GLI2: variants seen among roughly 807,000 people sequenced by gnomAD.
GLI2 encodes the protein GLI family zinc finger 2, also known as transcription activator GLI2.
Under a neutral mutation model 78.9 loss-of-function variants are expected in GLI2, and 22 were observed. The observed-to-expected ratio is 0.28, with a 90% CI of 0.20 to 0.40. GLI2 has a LOEUF of 0.40. GLI2 is among the 10% of genes least tolerant of loss of function. GLI2 has a pLI of 1.00. For synonymous variants in GLI2, 974 were observed against 963.7 expected, an observed-to-expected ratio of 1.01 and a Z score of -0.20; for missense variants, 2,097 against 2,213.2, an observed-to-expected ratio of 0.95 and a Z score of 1.05.
chr2:120,749,527 G>A (rs1156750489), intron 1 of GLI2, among the ~76,000 whole-genome samples: 3 of 152,250 alleles, frequency 2.0e-5, no homozygotes, highest in African/African-American at 7.2e-5. Flanking sequence ...GATAAGCAGA[G>A]TTCCAGGCTG....
At chr2:120,777,312 G>A (rs1446302367) in intron 1 of GLI2, among the ~76,000 whole-genome samples, 1 of 152,084 alleles carries the variant, frequency 6.6e-6, no homozygotes, top group Non-Finnish European at 1.5e-5. Flanking sequence ...AAGGAGATGT[G>A]TGAGAAGCCG....
At chr2:120,828,232 G>GC (rs1686183157) in intron 2 of GLI2, among the ~76,000 whole-genome samples, 1 of 152,162 alleles carries the variant, frequency 6.6e-6, no homozygotes, top group African/African-American at 2.4e-5. Flanking sequence ...CTGGGCCAAG[G>GC]CCCCCGGGCC....
intron 2 of GLI2, among the ~76,000 whole-genome samples, chr2:120,918,438 C>CT (rs563960856): frequency 0.018 from 2,315 of 127,026 alleles, 26 homozygotes; most frequent in East Asian, 0.028. Flanking sequence ...CATAAATATT[C>CT]TTTTTTTTTT....
rs1335135332 is a variant in GLI2 at position 120,834,889 on chromosome 2, A to AGGT, written c.148+37421_148+37422insGGT. 1.4e-4 allele frequency among the ~76,000 whole-genome samples: 21 copies of AGGT among 152,152 alleles called. No individual in the cohort carries two copies. In the East Asian group the frequency reaches 3.1e-3, roughly 23 times the overall value. On this transcript the variant is annotated intron_variant, in intron 2 of 13. Coordinates refer to ENST00000361492, the MANE Select transcript of GLI2 (RefSeq NM_001374353.1). Reference sequence around the variant, plus strand: ...GTAAGGACCTTCTGGTGCACTCCTCATGTGGCATTTCAGGGGCTCTGCACC... The same window carrying AGGT: ...GTAAGGACCTTCTGGTGCACTCCTCAGGTTGTGGCATTTCAGGGGCTCTGCACC...
intron 2 of GLI2, among the ~76,000 whole-genome samples, chr2:120,871,731 T>C (rs2104677880): frequency 6.6e-6 from 1 of 152,376 alleles, no homozygotes; most frequent in African/African-American, 2.4e-5. Context: ...GCTTTCTCCC[T>C]GGGGTAGCAG....
At chr2:120,805,177 C>T (rs1417392722) in intron 2 of GLI2, among the ~76,000 whole-genome samples, 1 of 152,260 alleles carries the variant, frequency 6.6e-6, no homozygotes, top group Non-Finnish European at 1.5e-5. Context: ...ATCAGCCTGG[C>T]CGCCCCATTT....
chr2:120,805,450 C>T (rs1051033537), intron 2 of GLI2, among the ~76,000 whole-genome samples: 3 of 152,372 alleles, frequency 2.0e-5, no homozygotes, highest in Admixed American at 6.5e-5. Context: ...GCCTGGCCGG[C>T]ACTCCTTCAT....
chr2:120,748,853 C>CTCCATCCA lies in GLI2; in HGVS notation c.-31+12600_-31+12607dup, dbSNP rs71671803. Among the ~76,000 whole-genome samples the CTCCATCCA allele has an allele frequency of 2.5e-3, 373 of 150,606 alleles. 1 individual carries two copies. Among genetic ancestry groups the CTCCATCCA allele is most frequent in the East Asian group, 0.015 (75 of 5,078 alleles). The stretch of plus-strand genomic sequence containing the variant: ...ATTAAGATTATAGTGATCTTGCATT[C>CTCCATCCA]TCCATCCATCCATCCATCCATCCAT... On this transcript the variant is annotated intron_variant, in intron 1 of 13. Coordinates refer to ENST00000361492, the MANE Select transcript of GLI2 (RefSeq NM_001374353.1).
intron 5 of GLI2, among the ~76,000 whole-genome samples, chr2:120,962,086 G>T (rs1249038919): frequency 6.6e-6 from 1 of 152,136 alleles, no homozygotes; most frequent in African/African-American, 2.4e-5. Flanking sequence ...TATGTTGGTT[G>T]TCAGCCCATA....
At chr2:120,985,004 G>A (rs368394117) in intron 12 of GLI2, among the ~76,000 whole-genome samples, 3 of 152,180 alleles carry the variant, frequency 2.0e-5, no homozygotes, top group African/African-American at 4.8e-5. Context: ...CGCCCTGTAC[G>A]GTGGGCCTGC....
At chr2:120,971,746 C>T (rs751933944) in intron 7 of GLI2, among the ~76,000 whole-genome samples, 195 bp from the exon 8 acceptor site, 2 of 152,156 alleles carry the variant, frequency 1.3e-5, no homozygotes. Context: ...TTGGCATGCC[C>T]AGGTCTGGGT....
intron 2 of GLI2, among the ~76,000 whole-genome samples, chr2:120,912,692 G>A (rs937467465): frequency 3.3e-4 from 51 of 152,306 alleles, no homozygotes; most frequent in African/African-American, 1.2e-3. Flanking sequence ...CTGCCGCACT[G>A]CCCCTCATGA....
At chr2:120,797,585 G>A (rs1490220609) in intron 2 of GLI2, 117 bp downstream of exon 2, 15 of 956,750 alleles carry the variant, frequency 1.6e-5, no homozygotes, top group Non-Finnish European at 2.1e-5. Context: ...TATGGAGGGC[G>A]AAGAGGAAGG....
At chr2:120,982,539 G>T (rs964608938) in intron 10 of GLI2, among the ~76,000 whole-genome samples, 177 bp from the exon 11 acceptor site, 8 of 152,050 alleles carry the variant, frequency 5.3e-5, no homozygotes, top group Admixed American at 5.2e-4. Context: ...TTTTCTCTTT[G>T]TACCTTTCAG....
At chr2:120,972,134 C>G (rs963991517) in intron 8 of GLI2, 71 bp downstream of exon 8, 3 of 1,563,934 alleles carry the variant, frequency 1.9e-6, no homozygotes, top group African/African-American at 2.7e-5. Context: ...GGGGCTGTAC[C>G]CTTGGTGGTG....
intron 1 of GLI2, among the ~76,000 whole-genome samples, chr2:120,771,269 C>T (rs768185108): frequency 3.9e-5 from 6 of 152,182 alleles, no homozygotes; most frequent in Admixed American, 2.0e-4. Flanking sequence ...GTGTCCAGCA[C>T]GTGCCGCTTG....
At chr2:120,894,238 A>G (rs1444218412) in intron 2 of GLI2, among the ~76,000 whole-genome samples, 1 of 152,210 alleles carries the variant, frequency 6.6e-6, no homozygotes, top group Non-Finnish European at 1.5e-5. Context: ...AGATCTGTGC[A>G]CTTTTTGAAA....
intron 1 of GLI2, among the ~76,000 whole-genome samples, chr2:120,740,395 T>G (rs116137266): frequency 6.6e-6 from 1 of 151,974 alleles, no homozygotes; most frequent in African/African-American, 2.4e-5. Context: ...TGGGTTTAAA[T>G]TGAATAATGT....
intron 2 of GLI2, among the ~76,000 whole-genome samples, chr2:120,818,405 CG>C (rs1685605543): frequency 6.6e-6 from 1 of 152,172 alleles, no homozygotes; most frequent in Non-Finnish European, 1.5e-5. Flanking sequence ...TGGTGTGCAC[CG>C]ACCCTTTGAA....
Sources: allele counts gnomAD v4.1 joint callset (sites outside exome capture counted in the v4.1 genomes callset), GRCh38; gene constraint gnomAD v4.1.1; transcripts MANE v1.5; gene names NCBI Gene and HGNC (gene_info 2026-07-23, HGNC 2026-07-21).